IP6K1: variants seen among roughly 807,000 people sequenced by gnomAD.
The protein encoded by IP6K1 is inositol hexakisphosphate kinase 1.
Under a neutral mutation model 38.3 loss-of-function variants are expected in IP6K1, and 13 were observed. The ratio of observed to expected loss-of-function variants is 0.34; its 90% CI spans 0.22 to 0.54. The LOEUF (loss-of-function observed/expected upper bound fraction) is 0.54. Among genes scored for constraint, IP6K1 ranks in the 20% least tolerant of loss-of-function variants. IP6K1 has a pLI of 0.92. For synonymous variants in IP6K1, 212 were observed against 229.9 expected (o/e 0.92, Z 0.70); for missense variants, 397 against 599.8 (o/e 0.66, Z 3.53).
chr3:49,749,825 C>T, intron 1 of IP6K1, among the ~76,000 whole-genome samples: 1 of 138,278 alleles, frequency 7.2e-6, no homozygotes, highest in Admixed American at 8.2e-5. Context: ...AATGCACATA[C>T]ACTTCTTTTT....
intron 1 of IP6K1, chr3:49,775,563 A>C: frequency 1.9e-6 from 2 of 1,045,494 alleles, no homozygotes; most frequent in South Asian, 1.6e-5. Context: ...GGGGAGCTCT[A>C]AGACAGACCT....
chr3:49,729,272 G>T lies in IP6K1; in HGVS notation c.617-994C>A, dbSNP rs568399237. Among the ~76,000 whole-genome samples, 3 of 152,202 alleles carry T rather than the reference G, an allele frequency of 2.0e-5. No individual in the cohort carries two copies. The East Asian group carries it at 5.8e-4, about 29-fold the overall frequency. ...CAAGATTCATTTATGTTGTAAGCAT[G>T]TATCAAAATTTCATTCCTTTTTCTG... On this transcript the variant is annotated intron_variant, in intron 4 of 5. Coordinates refer to ENST00000321599, the MANE Select transcript of IP6K1 (RefSeq NM_153273.4).
intron 1 of IP6K1, among the ~76,000 whole-genome samples, chr3:49,769,107 A>G (rs920591662): frequency 7.2e-5 from 11 of 152,206 alleles, no homozygotes; most frequent in African/African-American, 2.7e-4. Context: ...ATGTAGCAAG[A>G]TAGTAAAGAA....
rs560490163 is a variant in IP6K1 at position 49,743,972 on chromosome 3, G to A, written c.223+3846C>T. On this transcript the variant is annotated intron_variant, in intron 2 of 5. Transcript: ENST00000321599. The stretch of plus-strand genomic sequence containing the variant: ...GTATGATTGCACCACTGCACAATGC[G>A]CCACAATTATTACTGTGTTGTAATG... Among the ~76,000 whole-genome samples the A allele has an allele frequency of 7.2e-5, 11 of 152,114 alleles. No homozygotes were observed. The South Asian group carries it at 2.3e-3, about 32-fold the overall frequency.
chr3:49,770,439 C>CA (rs2080946884), intron 1 of IP6K1, among the ~76,000 whole-genome samples: 2 of 151,750 alleles, frequency 1.3e-5, no homozygotes, highest in African/African-American at 2.4e-5. Context: ...GGTGAAAACA[C>CA]AAAAAATAAA....
At chr3:49,729,540 G>A (rs953940024) in intron 4 of IP6K1, among the ~76,000 whole-genome samples, 3 of 150,754 alleles carry the variant, frequency 2.0e-5, no homozygotes, top group African/African-American at 7.3e-5. Context: ...CCCGGTAGCT[G>A]GGATTACAGG....
chr3:49,764,587 T>A (rs1262286983), intron 1 of IP6K1, among the ~76,000 whole-genome samples: 2 of 151,538 alleles, frequency 1.3e-5, no homozygotes, highest in Non-Finnish European at 2.9e-5. Context: ...CATTCAAGAA[T>A]CCCAATGAAG....
intron 3 of IP6K1, among the ~76,000 whole-genome samples, chr3:49,734,231 A>G (rs1435223468): frequency 6.6e-6 from 1 of 152,070 alleles, no homozygotes; most frequent in African/African-American, 2.4e-5. Context: ...TTTGCCAACA[A>G]TTTCATTATG....
At chr3:49,742,560 AG>A (rs1371633255) in intron 2 of IP6K1, among the ~76,000 whole-genome samples, 1 of 151,426 alleles carries the variant, frequency 6.6e-6, no homozygotes, top group Non-Finnish European at 1.5e-5. Flanking sequence ...AAAAAGAAAA[AG>A]AAAAAAAAAT....
intron 1 of IP6K1, among the ~76,000 whole-genome samples, chr3:49,768,058 T>C (rs1396834473): frequency 6.8e-6 from 1 of 146,330 alleles, no homozygotes; most frequent in Non-Finnish European, 1.5e-5. Flanking sequence ...AAATAGAAAA[T>C]AAGTGTTGGC....
chr3:49,781,298 G>C (rs1397165232), intron 1 of IP6K1, among the ~76,000 whole-genome samples: 1 of 152,124 alleles, frequency 6.6e-6, no homozygotes. Flanking sequence ...CCTGACCTCA[G>C]GTGATCCACC....
Position 49,738,239 on chromosome 3 carries a change from G to C in IP6K1, c.407C>G (p.Ala136Gly), listed in dbSNP as rs1291524688. Residue 136 changes from alanine (A) to glycine (G), a missense_variant, in exon 3 of 6, where the codon GCC (alanine) becomes GGC (glycine). Transcript: ENST00000321599. ...GSGSDHKEEK[A>G]SLSLETSESS... is the part of the protein sequence containing the mutation. ...CTCAGAGGTCTCAAGGGACAGGCTG[G>C]CTTTCTCCTCCTTGTGGTCACTGCC... 1 of 1,614,054 alleles carries C rather than the reference G, an allele frequency of 6.2e-7. No homozygotes were observed. The highest frequency in any genetic ancestry group is 1.3e-5 in the African/African-American group (1 of 74,924).
At chr3:49,745,013 A>G (rs2080708247) in intron 2 of IP6K1, among the ~76,000 whole-genome samples, 1 of 152,174 alleles carries the variant, frequency 6.6e-6, no homozygotes, top group African/African-American at 2.4e-5. Flanking sequence ...ATTTATGCAA[A>G]TAAGCTTTGC....
intron 1 of IP6K1, among the ~76,000 whole-genome samples, chr3:49,769,690 G>C (rs918301248): frequency 6.6e-6 from 1 of 152,208 alleles, no homozygotes; most frequent in South Asian, 2.1e-4. Flanking sequence ...AGAAGTGACA[G>C]TGTATGACTA....
chr3:49,780,769 C>T (rs2081058409), intron 1 of IP6K1, among the ~76,000 whole-genome samples: 1 of 152,190 alleles, frequency 6.6e-6, no homozygotes, highest in South Asian at 2.1e-4. Flanking sequence ...TGTTCTGCAG[C>T]ACTAAGGGAT....
chr3:49,738,485 CTG>C, intron 2 of IP6K1, 63 bp from the exon 3 acceptor site: 1 of 1,284,356 alleles, frequency 7.8e-7, no homozygotes, highest in Non-Finnish European at 1.1e-6. Context: ...GCAGCACAGA[CTG>C]TTGGCACTCA....
chr3:49,738,397 C>T lies in IP6K1; in HGVS notation c.249G>A (p.Gly83=), dbSNP rs1263247534. Residue 83 remains glycine, a synonymous_variant, in exon 3 of 6, where the codon GGG becomes GGA. Transcript: ENST00000321599. ...CTAAGTTGATGTAACCATCACTGTC[C>T]CCCTCAAAACAGACAGATACCACGC... ...YKGVVSVCFE[G]DSDGYINLVA... is the part of the protein sequence containing the mutation. 3 of 1,614,042 alleles carry T rather than the reference C, an allele frequency of 1.9e-6. No homozygotes were observed. Among genetic ancestry groups the T allele is most frequent in the Admixed American group, 1.7e-5 (1 of 59,996 alleles).
intron 1 of IP6K1, among the ~76,000 whole-genome samples, chr3:49,761,402 G>A (rs1408320816): frequency 3.9e-5 from 6 of 151,970 alleles, no homozygotes; most frequent in South Asian, 2.1e-4. Flanking sequence ...CGAGGCGGGC[G>A]GATCACGAGG....
chr3:49,777,556 C>CT (rs1189082315), intron 1 of IP6K1, among the ~76,000 whole-genome samples: 1 of 149,376 alleles, frequency 6.7e-6, no homozygotes, highest in African/African-American at 2.5e-5. Context: ...GAGCGAGACT[C>CT]TATCTCAAAA....
Sources: gnomAD v4.1 joint callset for allele counts (sites outside exome capture counted in the v4.1 genomes callset) on GRCh38, gnomAD v4.1.1 for gene constraint, MANE v1.5 for transcripts, NCBI Gene and HGNC (gene_info 2026-07-23, HGNC 2026-07-21) for gene names.